CPXM2: variants seen among roughly 807,000 people sequenced by gnomAD.
CPXM2 encodes the protein inactive carboxypeptidase-like protein X2.
A neutral mutation model predicts 86.1 loss-of-function variants in CPXM2; 66 were observed. The ratio of observed to expected loss-of-function variants is 0.77; its 90% CI spans 0.63 to 0.94. CPXM2 has a LOEUF of 0.94. Ranked by LOEUF, CPXM2 falls within the 40% of genes least tolerant of loss-of-function variation. The pLI, the probability that CPXM2 is intolerant of heterozygous loss-of-function variation, is 0.00. For synonymous variants in CPXM2, 388 were observed against 400.2 expected, an observed-to-expected ratio of 0.97 and a Z score of 0.36; for missense variants, 948 against 1,026.3, an observed-to-expected ratio of 0.92 and a Z score of 1.04.
intron 2 of CPXM2, among the ~76,000 whole-genome samples, chr10:123,869,798 C>T (rs1564806396): frequency 6.6e-6 from 1 of 152,340 alleles, no homozygotes; most frequent in East Asian, 1.9e-4. Context: ...ATCATCATCA[C>T]CACCATATAT....
chr10:123,887,323 T>G (rs935501400), intron 1 of CPXM2, among the ~76,000 whole-genome samples: 1 of 152,170 alleles, frequency 6.6e-6, no homozygotes, highest in African/African-American at 2.4e-5. Context: ...CCTCAGAAAC[T>G]GTACAGTACC....
At chr10:123,919,315 A>G (rs530110745) in intron 2 of CPXM2, among the ~76,000 whole-genome samples, 13 of 152,246 alleles carry the variant, frequency 8.5e-5, no homozygotes, top group Non-Finnish European at 1.5e-5. Flanking sequence ...AATAATCAAC[A>G]TTTATCAGAA....
chr10:123,866,441 T>C (rs1848982901), intron 2 of CPXM2, among the ~76,000 whole-genome samples: 2 of 152,080 alleles, frequency 1.3e-5, no homozygotes, highest in Admixed American at 1.3e-4. Context: ...TGGTACACGC[T>C]GTAATCCCAG....
Position 123,754,728 on chromosome 10 carries a change from G to T in CPXM2, c.1952C>A (p.Ser651Ter). ...GGCGTTTGGGATTCCTTTTCCATGT[G>T]AATCTCTCACCAAGCCTTTAATGCC... is the stretch of plus-strand genomic sequence containing the variant. ...HRGIKGLVRD[S>*]HGKGIPNAII... Residue 651 changes from serine (S) to a stop codon, truncating the protein, a stop_gained, in exon 13 of 14, where the codon TCA becomes TAA. Coordinates refer to ENST00000241305, the MANE Select transcript of CPXM2 (RefSeq NM_198148.3). LOFTEE classifies it high-confidence loss of function. This position sits in a 1 kb window ranked among gnomAD's most constrained non-coding sequence, Gnocchi z 4.0. 6.2e-7 allele frequency: 1 copy of T among 1,611,322 alleles called. No individual in the cohort carries two copies. The highest frequency in any genetic ancestry group is 1.1e-5 in the South Asian group (1 of 91,016).
chr10:123,855,895 T>C (rs191797511), intron 3 of CPXM2, among the ~76,000 whole-genome samples: 13 of 152,274 alleles, frequency 8.5e-5, no homozygotes, highest in East Asian at 1.9e-4. Context: ...ACTATTATTA[T>C]GGCCAGACGT....
At chr10:123,747,153 T>A (rs186114954) in intron 13 of CPXM2, 136 bp from the exon 14 acceptor site, 3 of 1,061,476 alleles carry the variant, frequency 2.8e-6, no homozygotes, top group African/African-American at 3.2e-5. Context: ...CTCCTGCAGA[T>A]GCAAATTCTT....
chr10:123,938,300 C>A (rs1207277838), intron 2 of CPXM2, among the ~76,000 whole-genome samples: 1 of 152,190 alleles, frequency 6.6e-6, no homozygotes, highest in Non-Finnish European at 1.5e-5. Flanking sequence ...GAGTAGCAAG[C>A]ACTCAGACAA....
At chr10:123,816,317 A>G (rs1007215101) in intron 4 of CPXM2, among the ~76,000 whole-genome samples, 3 of 152,176 alleles carry the variant, frequency 2.0e-5, no homozygotes, top group Admixed American at 6.5e-5. Context: ...GAACCCCCAC[A>G]TTGGCTCCCT....
In CPXM2 at chr10:123,931,810, A is replaced by T. The variant is rs1017989252; in HGVS notation, n.174+7667T>A. Reference sequence around the variant, plus strand: ...ATGGGAGAGTAAACCACTATATGTAAAAAGGTGTTTATCATAATATTGTTC... The same window carrying T: ...ATGGGAGAGTAAACCACTATATGTATAAAGGTGTTTATCATAATATTGTTC... On this transcript the variant is annotated intron_variant and non_coding_transcript_variant, in intron 2 of 19. Coordinates refer to the CPXM2 transcript ENST00000368854. 2.0e-5 allele frequency among the ~76,000 whole-genome samples: 3 copies of T among 152,200 alleles called. No homozygotes were observed. The East Asian group carries it at 5.8e-4, about 29-fold the overall frequency.
At chr10:123,849,564 C>T (rs770151522) in intron 3 of CPXM2, among the ~76,000 whole-genome samples, 5 of 151,810 alleles carry the variant, frequency 3.3e-5, no homozygotes, top group Non-Finnish European at 7.4e-5. Context: ...CAGGCACCTG[C>T]CACCACATCT....
chr10:123,879,005 A>G (rs1326945525), intron 2 of CPXM2, among the ~76,000 whole-genome samples: 9 of 152,158 alleles, frequency 5.9e-5, no homozygotes, highest in Non-Finnish European at 4.4e-5. Context: ...ACTGTGCAGA[A>G]TGCGCTCTCC....
At chr10:123,772,501 T>G (rs1564761519) in intron 7 of CPXM2, among the ~76,000 whole-genome samples, 1 of 146,746 alleles carries the variant, frequency 6.8e-6, no homozygotes, top group Non-Finnish European at 1.5e-5. Context: ...CAGTTATCAC[T>G]CCCCTGGGTG....
intron 2 of CPXM2, among the ~76,000 whole-genome samples, chr10:123,935,601 G>T (rs1590130167): frequency 6.6e-6 from 1 of 152,302 alleles, no homozygotes; most frequent in African/African-American, 2.4e-5. Context: ...GTTGGTAAGT[G>T]CCCCAGTGTG....
At chr10:123,922,839 T>C (rs1945588498) in intron 2 of CPXM2, among the ~76,000 whole-genome samples, 1 of 152,198 alleles carries the variant, frequency 6.6e-6, no homozygotes, top group Admixed American at 6.5e-5. Context: ...GAATGATCAT[T>C]GGTTGAAAAA....
At chr10:123,772,265 C>A (rs1210388636) in intron 7 of CPXM2, among the ~76,000 whole-genome samples, 1 of 2,062 alleles carries the variant, frequency 4.8e-4, no homozygotes, top group African/African-American at 1.5e-3. Context: ...GGTTGTGGTT[C>A]TCACCTTCAC....
At chr10:123,833,255 G>A (rs1182556664) in intron 4 of CPXM2, among the ~76,000 whole-genome samples, 1 of 152,234 alleles carries the variant, frequency 6.6e-6, no homozygotes, top group East Asian at 1.9e-4. Context: ...AACAGCATAG[G>A]AGGTAACACA....
At chr10:123,887,599 G>A (rs1017516006) in intron 1 of CPXM2, among the ~76,000 whole-genome samples, 8 of 152,150 alleles carry the variant, frequency 5.3e-5, no homozygotes, top group South Asian at 4.1e-4. Context: ...GTGACAACAG[G>A]GGGGAGGGTG....
chr10:123,942,836 G>T (rs1039844662), upstream of CPXM2, among the ~76,000 whole-genome samples: 1 of 152,182 alleles, frequency 6.6e-6, no homozygotes, highest in Non-Finnish European at 1.5e-5. Context: ...CCCTCTCTTG[G>T]GGTCTGGATG....
intron 4 of CPXM2, among the ~76,000 whole-genome samples, chr10:123,801,624 T>C (rs1847461229): frequency 6.6e-6 from 1 of 152,218 alleles, no homozygotes; most frequent in Admixed American, 6.5e-5. Context: ...TCTAATGAAA[T>C]ATGATCATGT....
Sources: allele counts gnomAD v4.1 joint callset (sites outside exome capture counted in the v4.1 genomes callset), GRCh38; gene constraint gnomAD v4.1.1; non-coding constraint Gnocchi (gnomAD v3.1); transcripts MANE v1.5; gene names NCBI Gene and HGNC (gene_info 2026-07-23, HGNC 2026-07-21).